Variants in GJC1 observed in about 807,000 individuals in gnomAD.
GJC1 encodes gap junction protein gamma 1.
GJC1 carries 5 observed loss-of-function variants against 29.3 expected under a neutral mutation model. That is an observed-to-expected ratio of 0.17 (90% CI 0.09 to 0.36). GJC1 has a LOEUF of 0.36. GJC1 is among the 10% of genes least tolerant of loss of function. The pLI is 1.00. For synonymous variants in GJC1, 177 were observed against 183.3 expected (o/e 0.97, Z 0.28); for missense variants, 310 against 496.2 (o/e 0.62, Z 3.56).
chr17:44,821,724 AAC>A (rs1256245667), intron 1 of GJC1, among the ~76,000 whole-genome samples: 4,135 of 129,658 alleles, frequency 0.032, 180 homozygotes, highest in Non-Finnish European at 0.054. Flanking sequence ...AAAAAAAAAA[AAC>A]AACAAAAAAA....
intron 1 of GJC1, among the ~76,000 whole-genome samples, chr17:44,808,428 T>TACACACACACACACACACACACACAC: frequency 6.8e-6 from 1 of 147,546 alleles, no homozygotes; most frequent in African/African-American, 2.5e-5. Flanking sequence ...CCCTGTCTCT[T>TACACACACACACACACACACACACAC]ACACACACAC....
At chr17:44,822,070 G>A (rs1174612461) in intron 1 of GJC1, among the ~76,000 whole-genome samples, 4 of 151,412 alleles carry the variant, frequency 2.6e-5, no homozygotes, top group Non-Finnish European at 5.9e-5. Flanking sequence ...GGTGGCGGGC[G>A]CCTGTAGTCC....
rs1011788520 is a variant in GJC1, at chr17:44,800,098, A to T, written c.*4529T>A. The T allele has an allele frequency of 1.3e-5, 2 of 152,144 alleles. No individual in the cohort carries two copies. The highest frequency in any genetic ancestry group is 4.8e-5 in the African/African-American group (2 of 41,444). 9.4% of individuals were successfully genotyped at this position (152,144 alleles called of 1,614,324 possible). A position where few individuals can be genotyped will look rare whatever the true frequency, so the allele number is the denominator to read the frequency against. ...AGTTTAAATTTTATTTCCAAACTGCATGCAGGGACTTTATTATTACTATGA... is the reference window on the plus strand; with the variant it reads ...AGTTTAAATTTTATTTCCAAACTGCTTGCAGGGACTTTATTATTACTATGA... On this transcript the variant is annotated 3_prime_UTR_variant, in exon 3 of 3. Coordinates refer to ENST00000592524, the MANE Select transcript of GJC1 (RefSeq NM_005497.4).
intron 1 of GJC1, among the ~76,000 whole-genome samples, chr17:44,817,873 G>GT (rs763154891): frequency 4.5e-4 from 68 of 152,084 alleles, no homozygotes; most frequent in Middle Eastern, 6.8e-3. Context: ...TTATGTACAG[G>GT]TTCTATGTGA....
Position 44,810,024 on chromosome 17 carries a change from A to AT in GJC1, c.-96-2556dup, listed in dbSNP as rs539543574. Among the ~76,000 whole-genome samples, 545 of 145,810 alleles carry AT rather than the reference A, an allele frequency of 3.7e-3. 7 individuals carry two copies. The highest frequency in any genetic ancestry group is 0.018 in the Admixed American group (256 of 14,566). ...CAGGCACCTGCCACCACGCTTGGCT[A>AT]TTTTTTTTTTGTATTTTTTTGTAGA... is the stretch of plus-strand genomic sequence containing the variant. On this transcript the variant is annotated intron_variant, in intron 1 of 2. Coordinates refer to ENST00000592524, the MANE Select transcript of GJC1 (RefSeq NM_005497.4).
chr17:44,814,524 A>G (rs1486307706), intron 1 of GJC1, among the ~76,000 whole-genome samples: 1 of 152,132 alleles, frequency 6.6e-6, no homozygotes, highest in Admixed American at 6.6e-5. Flanking sequence ...ACATAATTCA[A>G]AAGGATTCAC....
upstream of GJC1, chr17:44,830,777 G>C: frequency 2.5e-6 from 1 of 398,480 alleles, no homozygotes; most frequent in East Asian, 3.6e-5. This position sits in a 1 kb window ranked among gnomAD's most constrained non-coding sequence, Gnocchi z 4.3. Context: ...GGCGGGCCCT[G>C]CGTGGATCTA....
intron 1 of GJC1, among the ~76,000 whole-genome samples, chr17:44,823,717 T>C (rs1329793278): frequency 1.4e-5 from 2 of 141,018 alleles, no homozygotes; most frequent in Non-Finnish European, 3.1e-5. Flanking sequence ...TTTCCTTTCC[T>C]TTTTTTTTTT....
At chr17:44,795,359 G>A (rs980788838), downstream of GJC1, among the ~76,000 whole-genome samples, 2 of 147,818 alleles carry the variant, frequency 1.4e-5, no homozygotes, top group Non-Finnish European at 3.0e-5. Context: ...TCAGCCTCCC[G>A]AGTAGCTGGG....
rs540331961 is a variant in GJC1, at chr17:44,803,772, T to G, written c.*855A>C. 9 of 152,338 alleles carry G rather than the reference T, an allele frequency of 5.9e-5. No individual in the cohort carries two copies. Among genetic ancestry groups the G allele is most frequent in the Middle Eastern group, 6.8e-3 (2 of 294 alleles). The allele number at this position is 152,338 out of a possible 1,614,324, so 9.4% of individuals were successfully genotyped here. A position where few individuals can be genotyped will look rare whatever the true frequency, so the allele number is the denominator to read the frequency against. ...AGGGATTCCAGGCATGGCTTTGCTT[T>G]CTGAGGGACAGCTCCATATCATCTC... is the stretch of plus-strand genomic sequence containing the variant. On this transcript the variant is annotated 3_prime_UTR_variant, in exon 3 of 3. Coordinates refer to ENST00000592524, the MANE Select transcript of GJC1 (RefSeq NM_005497.4).
chr17:44,812,174 T>G (rs2049990406), intron 1 of GJC1, among the ~76,000 whole-genome samples: 1 of 151,200 alleles, frequency 6.6e-6, no homozygotes, highest in African/African-American at 2.4e-5. Flanking sequence ...ATTAGCCGGG[T>G]GTGGTGGTAC....
In GJC1 at chr17:44,804,493, C is replaced by T. The variant is rs2049888711; in HGVS notation, c.*134G>A. 1 of 712,032 alleles carries T rather than the reference C, an allele frequency of 1.4e-6. No homozygotes were observed. Among genetic ancestry groups the T allele is most frequent in the South Asian group, 1.9e-5 (1 of 53,286 alleles). The allele number at this position is 712,032 out of a possible 1,614,324, so 44.1% of individuals were successfully genotyped here. A position where few individuals can be genotyped will look rare whatever the true frequency, so the allele number is the denominator to read the frequency against. Reference sequence around the variant, plus strand: ...CAGCCCAGCCCCGCCTCCAGAGTCCCCTGAGCTTGGATCATGAGCCAACAG... The same window carrying T: ...CAGCCCAGCCCCGCCTCCAGAGTCCTCTGAGCTTGGATCATGAGCCAACAG... On this transcript the variant is annotated 3_prime_UTR_variant, in exon 3 of 3. Coordinates refer to ENST00000592524, the MANE Select transcript of GJC1 (RefSeq NM_005497.4).
chr17:44,809,658 C>T (rs1193112365), intron 1 of GJC1, among the ~76,000 whole-genome samples: 2 of 151,942 alleles, frequency 1.3e-5, no homozygotes, highest in Non-Finnish European at 2.9e-5. Flanking sequence ...ACAACCTCCA[C>T]CTCCCAGGTT....
Position 44,818,699 on chromosome 17 carries a change from G to A in GJC1, c.-96-11230C>T, listed in dbSNP as rs190246233. 1.1e-3 allele frequency among the ~76,000 whole-genome samples: 168 copies of A among 152,070 alleles called. 6 individuals carry two copies. Among genetic ancestry groups the A allele is most frequent in the Admixed American group, 1.0e-2 (152 of 15,248 alleles). ...AATCCCAGCTACTCAGGAGGCTGAG[G>A]CAGGAGAATTGCTTCAACCCGGAAG... On this transcript the variant is annotated intron_variant, in intron 1 of 2. Transcript: ENST00000592524.
At chr17:44,823,275 C>T (rs532401255) in intron 1 of GJC1, among the ~76,000 whole-genome samples, 15 of 109,180 alleles carry the variant, frequency 1.4e-4, no homozygotes, top group East Asian at 2.8e-4. Flanking sequence ...TTTTTTAAGA[C>T]GGAGTGTTGC....
Position 44,806,401 on chromosome 17 carries a change from G to GTTTT in GJC1, c.-20-568_-20-565dup, listed in dbSNP as rs35152035. Among the ~76,000 whole-genome samples, 22 of 122,126 alleles carry GTTTT rather than the reference G, an allele frequency of 1.8e-4. 1 individual carries two copies. The highest frequency in any genetic ancestry group is 2.7e-4 in the South Asian group (1 of 3,770). 80.1% of individuals were successfully genotyped at this position (122,126 alleles called of 152,430 possible). A position where few individuals can be genotyped will look rare whatever the true frequency, so the allele number is the denominator to read the frequency against. Reference sequence around the variant, plus strand: ...TTCTCAGACCTTGGTTCTTCTGTTTGTTTTTTTTTTTTTTTTTTGAGACAG... The same window carrying GTTTT: ...TTCTCAGACCTTGGTTCTTCTGTTTGTTTTTTTTTTTTTTTTTTTTTTGAGACAG... On this transcript the variant is annotated intron_variant, in intron 2 of 2. Transcript: ENST00000592524.
intron 1 of GJC1, among the ~76,000 whole-genome samples, chr17:44,825,679 G>A (rs1042252014): frequency 6.6e-6 from 1 of 151,906 alleles, no homozygotes; most frequent in African/African-American, 2.4e-5. Flanking sequence ...CAAGGCTGAG[G>A]CAAGAGAATT....
rs1156262226 is a variant in GJC1 at position 44,802,368 on chromosome 17, G to A, written c.*2259C>T. On this transcript the variant is annotated 3_prime_UTR_variant, in exon 3 of 3. Transcript: ENST00000592524. ...TAACACAAATGTATGGACACTTTTT[G>A]TCCTTCAATTAAAAAACCTGCTGGA... 6.6e-6 allele frequency: 1 copy of A among 152,126 alleles called. No individual in the cohort carries two copies. Among genetic ancestry groups the A allele is most frequent in the Non-Finnish European group, 1.5e-5 (1 of 68,018 alleles). The allele number at this position is 152,126 out of a possible 1,614,324, so 9.4% of individuals were successfully genotyped here.
downstream of GJC1, chr17:44,794,381 T>C (rs2049772150): frequency 6.6e-6 from 1 of 152,252 alleles, no homozygotes; most frequent in African/African-American, 2.4e-5. Context: ...TCTAGGGCTT[T>C]TGCAGTTAAA....
Sources: gnomAD v4.1 joint callset for allele counts (sites outside exome capture counted in the v4.1 genomes callset) on GRCh38, gnomAD v4.1.1 for gene constraint, Gnocchi (gnomAD v3.1) non-coding constraint, MANE v1.5 for transcripts, NCBI Gene and HGNC (gene_info 2026-07-23, HGNC 2026-07-21) for gene names.